Variants in APBA1 observed in about 807,000 individuals in gnomAD.
APBA1 encodes the protein amyloid-beta A4 precursor protein-binding family A member 1.
APBA1 carries 55 observed loss-of-function variants against 86.6 expected under a neutral mutation model. The ratio of observed to expected loss-of-function variants is 0.64; its 90% confidence interval spans 0.51 to 0.80. The LOEUF (loss-of-function observed/expected upper bound fraction) is 0.80. Among genes scored for constraint, APBA1 ranks in the 30% least tolerant of loss-of-function variants. The pLI is 0.00. For missense variants in APBA1, 1,090 were observed against 1,183.0 expected (o/e 0.92, Z 1.15); for synonymous variants, 511 against 493.9 (o/e 1.03, Z -0.46).
intron 1 of APBA1, among the ~76,000 whole-genome samples, chr9:69,567,007 C>A (rs1302940538): frequency 1.3e-5 from 2 of 152,112 alleles, no homozygotes; most frequent in African/African-American, 4.8e-5. Flanking sequence ...ACAAATATTT[C>A]TTGAATGAAT....
chr9:69,439,738 T>G (rs1348087004), intron 11 of APBA1, among the ~76,000 whole-genome samples: 1 of 152,192 alleles, frequency 6.6e-6, no homozygotes, highest in Non-Finnish European at 1.5e-5. Flanking sequence ...ACTTCCTCCT[T>G]TAGCTCAGAG....
At chr9:69,553,818 T>C (rs1443838583) in intron 1 of APBA1, among the ~76,000 whole-genome samples, 2 of 152,220 alleles carry the variant, frequency 1.3e-5, no homozygotes, top group African/African-American at 4.8e-5. Flanking sequence ...TCACACCCTA[T>C]AAAGTATCTG....
intron 1 of APBA1, among the ~76,000 whole-genome samples, chr9:69,571,978 G>A (rs1333559250): frequency 6.6e-6 from 1 of 152,188 alleles, no homozygotes; most frequent in Non-Finnish European, 1.5e-5. Flanking sequence ...CTTTACCACT[G>A]CTTCAATGCA....
Position 69,441,013 on chromosome 9 carries a change from T to G in APBA1, c.2284A>C (p.Ser762Arg). 1 of 1,613,898 alleles carries G rather than the reference T, an allele frequency of 6.2e-7. No homozygotes were observed. Among genetic ancestry groups the G allele is most frequent in the Non-Finnish European group, 8.5e-7 (1 of 1,179,908 alleles). The change falls in exon 11 of 13, where the codon AGC becomes CGC. Residue 762 changes from serine (S) to arginine (R), a missense_variant. Transcript: ENST00000265381. ...CTACTTACAATTCCATTCTGGACGC[T>G]GAAACCGAGCTGGTAGCGAAGGTCT... ...RPDLRYQLGF[S>R]VQNGIICSLM...
At chr9:69,626,613 C>G (rs1202913068) in intron 1 of APBA1, among the ~76,000 whole-genome samples, 1 of 152,078 alleles carries the variant, frequency 6.6e-6, no homozygotes, top group Admixed American at 6.6e-5. Flanking sequence ...CATGCTGCCC[C>G]CTTTATCTGT....
At chr9:69,611,191 C>T (rs1180276517) in intron 1 of APBA1, among the ~76,000 whole-genome samples, 1 of 144,294 alleles carries the variant, frequency 6.9e-6, no homozygotes, top group Non-Finnish European at 1.5e-5. Flanking sequence ...ACTTTCATAT[C>T]AAACAGGTCA....
intron 2 of APBA1, among the ~76,000 whole-genome samples, chr9:69,488,461 A>G (rs1225999713): frequency 6.6e-6 from 1 of 152,138 alleles, no homozygotes; most frequent in African/African-American, 2.4e-5. Flanking sequence ...TTATATTTAT[A>G]TTTTTTAGTA....
At chr9:69,567,571 C>G (rs1444954007) in intron 1 of APBA1, among the ~76,000 whole-genome samples, 1 of 152,056 alleles carries the variant, frequency 6.6e-6, no homozygotes, top group Non-Finnish European at 1.5e-5. Context: ...AATCCCTCCC[C>G]CCTCCACAAC....
intron 1 of APBA1, among the ~76,000 whole-genome samples, chr9:69,657,002 C>A (rs928395139): frequency 6.6e-6 from 1 of 152,058 alleles, no homozygotes; most frequent in African/African-American, 2.4e-5. Context: ...CCCGCCACCG[C>A]GCCCGGCTAA....
At position 69,516,597 on chromosome 9, in the gene APBA1, G is replaced by A. The variant is rs1386989074; in HGVS notation, c.614C>T (p.Pro205Leu). ...CAGGCCGTCGCGTGCGTCCAGCTCG[G>A]GCGCGTCCCCTATCTCCTCGTACAC... The part of the protein sequence containing the change: ...EHVYEEIGDA[P>L]ELDARDGLRL... The change falls in exon 2 of 13, where the codon CCC (proline) becomes CTC (leucine). Residue 205 changes from proline (P) to leucine (L), a missense_variant. Transcript: ENST00000265381. The surrounding 1 kb of genome is among the most constrained non-coding windows in gnomAD (Gnocchi z 7.3). 1 of 1,604,278 alleles carries A rather than the reference G, an allele frequency of 6.2e-7. No individual in the cohort carries two copies. Among genetic ancestry groups the A allele is most frequent in the South Asian group, 1.1e-5 (1 of 90,924 alleles).
At position 69,528,374 on chromosome 9, in the gene APBA1, C is replaced by T. The variant is rs1214052116; in HGVS notation, c.-69-11095G>A. 2.0e-5 allele frequency among the ~76,000 whole-genome samples: 3 copies of T among 152,140 alleles called. No homozygotes were observed. In the East Asian group the frequency reaches 5.8e-4, roughly 29 times the overall value. On this transcript the variant is annotated intron_variant, in intron 1 of 12. Transcript: ENST00000265381. The stretch of plus-strand genomic sequence containing the variant: ...ATGCAGACTTTCTTATTGTCTAGCA[C>T]TTTAACAATCCAATCATTCATTTAT...
chr9:69,454,993 A>G (rs1291993271), intron 8 of APBA1, among the ~76,000 whole-genome samples: 1 of 152,166 alleles, frequency 6.6e-6, no homozygotes, highest in Non-Finnish European at 1.5e-5. Context: ...CTAGAGAACA[A>G]GACCAATAAA....
At chr9:69,560,055 G>A (rs565272032) in intron 1 of APBA1, among the ~76,000 whole-genome samples, 1 of 152,242 alleles carries the variant, frequency 6.6e-6, no homozygotes, top group East Asian at 1.9e-4. Context: ...AGCAATATAT[G>A]GGGATTAAGT....
intron 1 of APBA1, among the ~76,000 whole-genome samples, chr9:69,559,839 A>AT (rs1836920961): frequency 6.6e-6 from 1 of 152,170 alleles, no homozygotes; most frequent in African/African-American, 2.4e-5. Flanking sequence ...TGTGGGTTTG[A>AT]TTTTAGCAAT....
intron 1 of APBA1, among the ~76,000 whole-genome samples, chr9:69,555,681 T>G (rs1836849874): frequency 6.6e-6 from 1 of 152,198 alleles, no homozygotes; most frequent in Admixed American, 6.5e-5. Flanking sequence ...CTTTTTAAAA[T>G]TAAAATGTCT....
rs575204152 is a variant in APBA1, at chr9:69,597,599, T to C, written c.-70+74554A>G. ...TGAAGTCCTTGCCCATGCCTATGTC[T>C]TGAATGGTAATGCCTAGGTTTTCTT... On this transcript the variant is annotated intron_variant, in intron 1 of 12. Transcript: ENST00000265381. Among the ~76,000 whole-genome samples, 386 of 152,232 alleles carry C rather than the reference T, an allele frequency of 2.5e-3. 6 individuals carry two copies. Among genetic ancestry groups the C allele is most frequent in the Admixed American group, 0.022 (335 of 15,280 alleles).
intron 2 of APBA1, among the ~76,000 whole-genome samples, chr9:69,513,739 T>C (rs1283686686): frequency 2.0e-5 from 3 of 152,188 alleles, no homozygotes; most frequent in Non-Finnish European, 2.9e-5. Context: ...CCTTTCCTAA[T>C]CGGCTAACAG....
At chr9:69,643,029 C>T (rs570862034) in intron 1 of APBA1, among the ~76,000 whole-genome samples, 12 of 151,886 alleles carry the variant, frequency 7.9e-5, no homozygotes, top group Admixed American at 6.6e-4. Context: ...AACACACACA[C>T]ACACACACAC....
At chr9:69,515,695 G>T (rs1028147417) in intron 2 of APBA1, among the ~76,000 whole-genome samples, 6 of 28,318 alleles carry the variant, frequency 2.1e-4, no homozygotes, top group African/African-American at 6.5e-4. Context: ...GAAACTGGGG[G>T]GGGGGGGGGC....
Sources: allele counts gnomAD v4.1 joint callset (sites outside exome capture counted in the v4.1 genomes callset), GRCh38; gene constraint gnomAD v4.1.1; non-coding constraint Gnocchi (gnomAD v3.1); transcripts MANE v1.5; gene names NCBI Gene and HGNC (gene_info 2026-07-23, HGNC 2026-07-21).